RETREG1: variants seen among roughly 807,000 people sequenced by gnomAD.
The protein encoded by RETREG1 is reticulophagy regulator 1.
RETREG1 carries 44 observed loss-of-function variants against 54.8 expected under a neutral mutation model. That is an observed-to-expected ratio of 0.80 (90% CI 0.63 to 1.03). The LOEUF is 1.03. RETREG1 is among the 50% of genes least tolerant of loss of function. RETREG1 has a pLI of 0.00. For synonymous variants in RETREG1, 217 were observed against 238.5 expected, an observed-to-expected ratio of 0.91 and a Z score of 0.83; for missense variants, 554 against 605.1, an observed-to-expected ratio of 0.92 and a Z score of 0.89.
intron 1 of RETREG1, among the ~76,000 whole-genome samples, chr5:16,572,432 C>T (rs374959952): frequency 2.6e-5 from 4 of 152,110 alleles, no homozygotes; most frequent in East Asian, 1.9e-4. Flanking sequence ...AGGCTCATCA[C>T]GAACTCCTGT....
intron 2 of RETREG1, among the ~76,000 whole-genome samples, chr5:16,571,293 A>T (rs1227370778): frequency 6.6e-6 from 1 of 152,148 alleles, no homozygotes; most frequent in African/African-American, 2.4e-5. Flanking sequence ...TAGTGAAATT[A>T]AATGTCTCTT....
chr5:16,607,619 A>G (rs567254690), intron 1 of RETREG1, among the ~76,000 whole-genome samples: 2 of 152,170 alleles, frequency 1.3e-5, no homozygotes, highest in South Asian at 2.1e-4. Context: ...GTCTCAATTT[A>G]AAAAAACAAA....
intron 1 of RETREG1, among the ~76,000 whole-genome samples, chr5:16,599,088 G>C (rs1742980175): frequency 6.6e-6 from 1 of 152,138 alleles, no homozygotes; most frequent in East Asian, 1.9e-4. Flanking sequence ...CAGACCTGTA[G>C]TCCCAGCTAC....
intron 3 of RETREG1, among the ~76,000 whole-genome samples, chr5:16,558,065 A>T (rs1325108975): frequency 6.6e-6 from 1 of 152,102 alleles, no homozygotes; most frequent in Non-Finnish European, 1.5e-5. Flanking sequence ...CAAAAATTTT[A>T]AAAAGAAATA....
intron 3 of RETREG1, among the ~76,000 whole-genome samples, chr5:16,534,419 C>T (rs540569488): frequency 6.6e-6 from 1 of 152,330 alleles, no homozygotes; most frequent in East Asian, 1.9e-4. Flanking sequence ...GCAGTGTGTA[C>T]CAGCCAGACA....
intron 1 of RETREG1, chr5:16,616,377 CT>C (rs2126386650): frequency 2.1e-6 from 1 of 487,446 alleles, no homozygotes; most frequent in East Asian, 3.8e-5. Context: ...ATGGGAACAC[CT>C]GTAGGTGCAG....
chr5:16,565,487 G>T (rs891505485), intron 3 of RETREG1, among the ~76,000 whole-genome samples: 2 of 152,094 alleles, frequency 1.3e-5, no homozygotes, highest in Non-Finnish European at 2.9e-5. Flanking sequence ...AAAAGAAAAT[G>T]CCTCCCTCCC....
intron 3 of RETREG1, among the ~76,000 whole-genome samples, chr5:16,555,159 T>C (rs924678795): frequency 6.8e-6 from 1 of 146,948 alleles, no homozygotes; most frequent in Non-Finnish European, 1.5e-5. Flanking sequence ...TATTAATTTA[T>C]TTTTATTTTT....
intron 1 of RETREG1, among the ~76,000 whole-genome samples, chr5:16,604,033 C>T (rs1020488723): frequency 3.0e-4 from 45 of 152,162 alleles, no homozygotes; most frequent in Admixed American, 2.6e-4. Flanking sequence ...CAGTTGGTGC[C>T]GAAATTTTAC....
intron 3 of RETREG1, among the ~76,000 whole-genome samples, chr5:16,510,452 GA>G (rs1358150663): frequency 1.3e-5 from 2 of 152,058 alleles, no homozygotes; most frequent in Non-Finnish European, 2.9e-5. Context: ...CTGAAAAGTT[GA>G]AATGCTGAAA....
Position 16,482,240 on chromosome 5 carries a change from C to A in RETREG1, c.585+1106G>T, listed in dbSNP as rs139720231. 3.0e-3 allele frequency among the ~76,000 whole-genome samples: 463 copies of A among 152,048 alleles called. 3 individuals carry two copies. The highest frequency in any genetic ancestry group is 0.01 in the African/African-American group (427 of 41,518). ...AAAGGAACAAATAAGCCAAGAAAAG[C>A]ATTACTATATCCAGAATTTAGTTTT... On this transcript the variant is annotated intron_variant, in intron 4 of 8. Coordinates refer to ENST00000306320, the MANE Select transcript of RETREG1 (RefSeq NM_001034850.3).
At chr5:16,512,909 GTGA>G (rs1740224967) in intron 3 of RETREG1, among the ~76,000 whole-genome samples, 2 of 151,092 alleles carry the variant, frequency 1.3e-5, no homozygotes, top group African/African-American at 4.9e-5. Context: ...TAGACCTCTA[GTGA>G]TTCCCAGAAA....
chr5:16,494,735 T>C (rs187262555), intron 3 of RETREG1, among the ~76,000 whole-genome samples: 2 of 152,338 alleles, frequency 1.3e-5, no homozygotes, highest in East Asian at 1.9e-4. Flanking sequence ...TATTTCTTTA[T>C]AGCAGTGCAA....
chr5:16,541,643 T>C (rs1450820191), intron 3 of RETREG1, among the ~76,000 whole-genome samples: 1 of 151,172 alleles, frequency 6.6e-6, no homozygotes. Flanking sequence ...GCCAAGATCA[T>C]GCCACTGAAC....
chr5:16,614,559 G>C (rs1479838975), intron 1 of RETREG1, among the ~76,000 whole-genome samples: 2 of 152,184 alleles, frequency 1.3e-5, no homozygotes, highest in Non-Finnish European at 2.9e-5. Context: ...CATACACATT[G>C]CTGGTGGGAG....
chr5:16,523,952 C>G (rs1162608459), intron 3 of RETREG1, among the ~76,000 whole-genome samples: 1 of 152,156 alleles, frequency 6.6e-6, no homozygotes, highest in East Asian at 1.9e-4. Flanking sequence ...CAACCCCAGG[C>G]GATTTGAAGG....
At chr5:16,612,008 T>C (rs923643163) in intron 1 of RETREG1, among the ~76,000 whole-genome samples, 1 of 146,484 alleles carries the variant, frequency 6.8e-6, no homozygotes, top group African/African-American at 2.5e-5. Context: ...GAGGTTGCAG[T>C]GAGCCAAGAT....
intron 3 of RETREG1, among the ~76,000 whole-genome samples, chr5:16,519,943 A>G (rs917400387): frequency 4.6e-5 from 7 of 152,358 alleles, no homozygotes; most frequent in African/African-American, 1.7e-4. Context: ...CACTTTGGCC[A>G]GCGAGAGCTT....
In RETREG1 at chr5:16,585,564, C is replaced by G. The variant is rs62371269; in HGVS notation, c.321-13462G>C. Among the ~76,000 whole-genome samples, 1 of 152,098 alleles carries G rather than the reference C, an allele frequency of 6.6e-6. No individual in the cohort carries two copies. The highest frequency in any genetic ancestry group is 2.4e-5 in the African/African-American group (1 of 41,398). On this transcript the variant is annotated intron_variant, in intron 1 of 8. Coordinates refer to ENST00000306320, the MANE Select transcript of RETREG1 (RefSeq NM_001034850.3). This position sits in a 1 kb window ranked among gnomAD's most constrained non-coding sequence, Gnocchi z 4.5. ...CTGGTCACAGCAGGGAAGGGGACTT[C>G]GAGGCAGGGCGGGTGAGTCAAGTTC...
Sources: gnomAD v4.1 joint callset for allele counts (sites outside exome capture counted in the v4.1 genomes callset) on GRCh38, gnomAD v4.1.1 for gene constraint, Gnocchi (gnomAD v3.1) non-coding constraint, MANE v1.5 for transcripts, NCBI Gene and HGNC (gene_info 2026-07-23, HGNC 2026-07-21) for gene names.